The following PTPRT variants were observed in gnomAD, a reference collection of about 807,000 sequenced individuals.
The protein encoded by PTPRT is protein tyrosine phosphatase receptor type T.
A neutral mutation model predicts 176.8 loss-of-function variants in PTPRT; 56 were observed. The observed-to-expected ratio is 0.32, with a 90% confidence interval of 0.26 to 0.40. PTPRT has a LOEUF of 0.40. Ranked by LOEUF, PTPRT falls within the 10% of genes least tolerant of loss-of-function variation. The probability of loss-of-function intolerance (pLI) is 1.00; values close to 1 mark genes in which losing one functional copy is unlikely to be tolerated. For synonymous variants in PTPRT, 783 were observed against 739.0 expected, an observed-to-expected ratio of 1.06 and a Z score of -0.96; for missense variants, 1,540 against 1,908.2, an observed-to-expected ratio of 0.81 and a Z score of 3.60.
rs1399602546 is a variant in PTPRT, at chr20:42,202,726, G to C, written c.2343-3338C>G. 1.4e-3 allele frequency among the ~76,000 whole-genome samples: 209 copies of C among 152,310 alleles called. 1 individual carries two copies. Among genetic ancestry groups the C allele is most frequent in the Non-Finnish European group, 1.6e-4 (11 of 68,032 alleles). On this transcript the variant is annotated intron_variant, in intron 15 of 30. Transcript: ENST00000373187. ...GGAAATAAAAGGAAATCTGATAAGA[G>C]AGTTAACTTAAAACTATAAATGAGT...
chr20:42,217,721 A>G (rs1048606920), intron 15 of PTPRT, among the ~76,000 whole-genome samples: 2 of 152,146 alleles, frequency 1.3e-5, no homozygotes, highest in Non-Finnish European at 2.9e-5. Flanking sequence ...TCCACCCTCT[A>G]GATGCCAGTA....
intron 6 of PTPRT, among the ~76,000 whole-genome samples, chr20:42,742,359 T>G (rs1473018829): frequency 6.6e-6 from 1 of 152,234 alleles, no homozygotes; most frequent in African/African-American, 2.4e-5. Flanking sequence ...TAGCACCACC[T>G]GCCCCGCCCT....
intron 5 of PTPRT, among the ~76,000 whole-genome samples, chr20:42,765,454 C>A (rs77028541): frequency 0.02 from 2,976 of 152,228 alleles, 89 homozygotes; most frequent in African/African-American, 0.069. Flanking sequence ...CCAAACCCAG[C>A]AAAGGCTTCT....
intron 1 of PTPRT, among the ~76,000 whole-genome samples, chr20:43,110,107 A>G (rs550144979): frequency 6.6e-6 from 1 of 152,336 alleles, no homozygotes; most frequent in African/African-American, 2.4e-5. Context: ...AAAATAGGGC[A>G]TCTGTATCAG....
At position 42,082,037 on chromosome 20, in the gene PTPRT, G is replaced by A. The variant is rs1001120556; in HGVS notation, c.4137-20C>T. The A allele has an allele frequency of 6.2e-7, 1 of 1,613,972 alleles. No homozygotes were observed. The highest frequency in any genetic ancestry group is 1.3e-5 in the African/African-American group (1 of 75,040). On this transcript the variant is annotated intron_variant, in intron 29 of 30. Transcript: ENST00000373187. ...CCATTTCTAAACACAGAGCAAAGAG[G>A]TGAGCCATGTTCCTAGGTCCCTTCC...
chr20:42,093,580 T>A (rs941920997), intron 27 of PTPRT, among the ~76,000 whole-genome samples: 3 of 152,194 alleles, frequency 2.0e-5, no homozygotes, highest in Admixed American at 2.0e-4. Context: ...ACCCTCTTCT[T>A]ATTTTGCTGC....
intron 1 of PTPRT, among the ~76,000 whole-genome samples, chr20:43,034,653 C>A (rs1324757319): frequency 1.4e-5 from 2 of 146,850 alleles, no homozygotes; most frequent in East Asian, 2.3e-4. Flanking sequence ...GCCATAAAAA[C>A]AGCAAAAACT....
At chr20:42,677,823 C>T (rs749352604) in intron 7 of PTPRT, 43 bp downstream of exon 7, 2 of 1,578,260 alleles carry the variant, frequency 1.3e-6, no homozygotes, top group East Asian at 2.3e-5. Flanking sequence ...TTGGCAATAG[C>T]ACAGCCTCTC....
chr20:42,864,440 T>C (rs1298797818), intron 2 of PTPRT, among the ~76,000 whole-genome samples: 4 of 152,162 alleles, frequency 2.6e-5, no homozygotes, highest in African/African-American at 9.6e-5. Context: ...GAGTCCCAGC[T>C]CTGAGACAGG....
downstream of PTPRT, among the ~76,000 whole-genome samples, chr20:42,069,014 C>T (rs963663281): frequency 2.0e-5 from 3 of 152,204 alleles, no homozygotes; most frequent in South Asian, 2.1e-4. Flanking sequence ...AACTCGGACT[C>T]CAAATTCAAT....
At chr20:43,077,319 G>T (rs1209591722) in intron 1 of PTPRT, among the ~76,000 whole-genome samples, 2 of 152,162 alleles carry the variant, frequency 1.3e-5, no homozygotes, top group Non-Finnish European at 2.9e-5. Context: ...CTGAAAACAG[G>T]CTGCACAGCT....
At chr20:42,765,003 G>T (rs573397974) in intron 5 of PTPRT, among the ~76,000 whole-genome samples, 1 of 152,280 alleles carries the variant, frequency 6.6e-6, no homozygotes, top group African/African-American at 2.4e-5. Flanking sequence ...AGTAAAGACT[G>T]ATATGCCTCC....
chr20:42,578,265 T>A (rs1469246079), intron 7 of PTPRT, among the ~76,000 whole-genome samples: 1 of 152,076 alleles, frequency 6.6e-6, no homozygotes, highest in African/African-American at 2.4e-5. Context: ...CAGGACACAC[T>A]CTATTATTTA....
intron 1 of PTPRT, among the ~76,000 whole-genome samples, chr20:42,945,458 C>T (rs1187006102): frequency 6.6e-6 from 1 of 152,212 alleles, no homozygotes; most frequent in Non-Finnish European, 1.5e-5. Context: ...CGGGACTAAT[C>T]TGCCATGAAG....
intron 2 of PTPRT, among the ~76,000 whole-genome samples, chr20:42,869,576 G>A (rs2078809221): frequency 6.6e-6 from 1 of 151,874 alleles, no homozygotes; most frequent in African/African-American, 2.4e-5. Context: ...TTGTATTTTG[G>A]AAGTATACAA....
chr20:42,186,334 G>A lies in PTPRT; in HGVS notation c.2491+12906C>T, dbSNP rs921558324. Reference sequence around the variant, plus strand: ...AAAGCTTTATTCTAATAAAGACAGAGTGCACTGGATTTGGCCTATGGGCCT... The same window carrying A: ...AAAGCTTTATTCTAATAAAGACAGAATGCACTGGATTTGGCCTATGGGCCT... On this transcript the variant is annotated intron_variant, in intron 16 of 30. Transcript: ENST00000373187. Among the ~76,000 whole-genome samples, 16 of 151,944 alleles carry A rather than the reference G, an allele frequency of 1.1e-4. 1 individual carries two copies. Among genetic ancestry groups the A allele is most frequent in the African/African-American group, 3.9e-4 (16 of 41,414 alleles).
chr20:43,021,090 T>C (rs73907451), intron 1 of PTPRT, among the ~76,000 whole-genome samples: 3,649 of 152,242 alleles, frequency 0.024, 168 homozygotes, highest in African/African-American at 0.083. Flanking sequence ...GATGGATATA[T>C]TAAATTATCA....
chr20:42,994,682 C>T (rs1408083919), intron 1 of PTPRT, among the ~76,000 whole-genome samples: 1 of 152,174 alleles, frequency 6.6e-6, no homozygotes, highest in African/African-American at 2.4e-5. Context: ...TATTAATGAG[C>T]AGAATTAAAA....
chr20:42,473,558 C>T (rs768623588), intron 7 of PTPRT, among the ~76,000 whole-genome samples: 1 of 152,124 alleles, frequency 6.6e-6, no homozygotes, highest in East Asian at 1.9e-4. Flanking sequence ...TCATCCCAGC[C>T]TCAAACTCCT....
Sources: gnomAD v4.1 joint callset for allele counts (sites outside exome capture counted in the v4.1 genomes callset) on GRCh38, gnomAD v4.1.1 for gene constraint, MANE v1.5 for transcripts, NCBI Gene and HGNC (gene_info 2026-07-23, HGNC 2026-07-21) for gene names.